The following AKR1C8 variants were observed in gnomAD, a reference collection of about 807,000 sequenced individuals.
AKR1C8 encodes aldo-keto reductase family 1 member C8.
At chr10:5,120,262 G>A in the AKR1C8 span, among the ~76,000 whole-genome samples, 231 of 152,244 alleles carry the variant, frequency 1.5e-3, 1 homozygote, top group African/African-American at 5.2e-3. Context: ...GCTTACTGTC[G>A]ATAAATATGT....
the AKR1C8 span, among the ~76,000 whole-genome samples, chr10:5,136,212 C>T: frequency 2.6e-5 from 4 of 152,106 alleles, no homozygotes; most frequent in Non-Finnish European, 5.9e-5. Flanking sequence ...TCCTCACATG[C>T]CTTAATTTTT....
At chr10:5,143,405 G>C in the AKR1C8 span, among the ~76,000 whole-genome samples, 1 of 152,092 alleles carries the variant, frequency 6.6e-6, no homozygotes, top group Non-Finnish European at 1.5e-5. Flanking sequence ...GTGGCCCTCA[G>C]CTTCTCAGGC....
chr10:5,149,890 T>A, the AKR1C8 span, among the ~76,000 whole-genome samples: 2 of 152,030 alleles, frequency 1.3e-5, no homozygotes, highest in Admixed American at 6.5e-5. Context: ...TCAAATTTTG[T>A]TTCAAATTTT....
the AKR1C8 span, among the ~76,000 whole-genome samples, chr10:5,164,229 C>T: frequency 3.2e-3 from 493 of 152,266 alleles, 3 homozygotes; most frequent in African/African-American, 0.011. Context: ...AGCTGAGTTA[C>T]ACTTTCTCCA....
the AKR1C8 span, among the ~76,000 whole-genome samples, chr10:5,175,868 T>C: frequency 6.6e-6 from 1 of 152,216 alleles, no homozygotes; most frequent in Non-Finnish European, 1.5e-5. Flanking sequence ...TTGTAGATTC[T>C]GGATATTAGC....
At chr10:5,155,804 C>T in the AKR1C8 span, 8 of 449,582 alleles carry the variant, frequency 1.8e-5, no homozygotes, top group East Asian at 5.3e-4. Context: ...AGGGCAGCAG[C>T]TTCTACATGG....
At chr10:5,148,342 C>T in the AKR1C8 span, among the ~76,000 whole-genome samples, 17 of 152,038 alleles carry the variant, frequency 1.1e-4, no homozygotes, top group Non-Finnish European at 2.1e-4. Flanking sequence ...ACTCATGTGC[C>T]TCAAATAAAT....
At chr10:5,148,844 T>G in the AKR1C8 span, among the ~76,000 whole-genome samples, 7 of 152,118 alleles carry the variant, frequency 4.6e-5, no homozygotes, top group South Asian at 2.1e-4. Flanking sequence ...TTCTTTCCTT[T>G]CTTAGTAAGG....
chr10:5,175,809 C>A, the AKR1C8 span, among the ~76,000 whole-genome samples: 1 of 143,994 alleles, frequency 6.9e-6, no homozygotes, highest in East Asian at 1.9e-4. Flanking sequence ...ACTTCGCCCA[C>A]TTTTTGATGG....
the AKR1C8 span, among the ~76,000 whole-genome samples, chr10:5,165,855 C>G: frequency 2.0e-5 from 3 of 151,962 alleles, no homozygotes; most frequent in African/African-American, 7.2e-5. Context: ...GGCTTATGAT[C>G]TAAGAAATCT....
the AKR1C8 span, among the ~76,000 whole-genome samples, chr10:5,124,338 G>T: frequency 6.6e-6 from 1 of 152,110 alleles, no homozygotes; most frequent in African/African-American, 2.4e-5. Context: ...AAAAGAGAGA[G>T]CAAAAATATT....
the AKR1C8 span, among the ~76,000 whole-genome samples, chr10:5,148,125 C>T: frequency 2.0e-4 from 31 of 152,132 alleles, no homozygotes; most frequent in African/African-American, 6.5e-4. Context: ...GTGGCTGCTA[C>T]GTGGGGGCTT....
chr10:5,145,915 A>T, the AKR1C8 span, among the ~76,000 whole-genome samples: 2 of 152,076 alleles, frequency 1.3e-5, no homozygotes, highest in Non-Finnish European at 2.9e-5. Flanking sequence ...TTATTGCGGC[A>T]CTATTCACAA....
the AKR1C8 span, among the ~76,000 whole-genome samples, chr10:5,182,761 T>A: frequency 6.6e-6 from 1 of 151,618 alleles, no homozygotes; most frequent in Non-Finnish European, 1.5e-5. Flanking sequence ...ATACAAAAAA[T>A]AAGCTGGGTG....
chr10:5,163,098 C>A, the AKR1C8 span: 3 of 442,298 alleles, frequency 6.8e-6, no homozygotes, highest in African/African-American at 4.0e-5. Flanking sequence ...AGCATTTTCA[C>A]TGTCGGTTTC....
chr10:5,134,800 A>T, the AKR1C8 span, among the ~76,000 whole-genome samples: 2 of 152,220 alleles, frequency 1.3e-5, no homozygotes, highest in Non-Finnish European at 2.9e-5. Flanking sequence ...AAAGAAACGG[A>T]GAAACCATTC....
At chr10:5,176,605 C>G in the AKR1C8 span, among the ~76,000 whole-genome samples, 1 of 151,732 alleles carries the variant, frequency 6.6e-6, no homozygotes, top group South Asian at 2.1e-4. Context: ...TCTTCCTACC[C>G]ATGAGCATGG....
the AKR1C8 span, among the ~76,000 whole-genome samples, chr10:5,178,341 G>C: frequency 6.6e-6 from 1 of 152,322 alleles, no homozygotes; most frequent in Admixed American, 6.5e-5. Context: ...TGTGGTCTGA[G>C]AGACAGTTTG....
At chr10:5,152,121 CA>C in the AKR1C8 span, among the ~76,000 whole-genome samples, 2 of 152,128 alleles carry the variant, frequency 1.3e-5, no homozygotes, top group South Asian at 4.2e-4. Context: ...ATAAAGAGTG[CA>C]ATTTCCAGTT....
Sources: allele counts gnomAD v4.1 joint callset (sites outside exome capture counted in the v4.1 genomes callset), GRCh38; gene constraint gnomAD v4.1.1; transcripts MANE v1.5; gene names NCBI Gene and HGNC (gene_info 2026-07-23, HGNC 2026-07-21).